The following FHIT variants were observed in gnomAD, a reference collection of about 807,000 sequenced individuals.
FHIT encodes bis(5'-adenosyl)-triphosphatase.
A neutral mutation model predicts 17.9 loss-of-function variants in FHIT; 19 were observed. That is an observed-to-expected ratio of 1.06 (90% CI 0.74 to 1.56). FHIT has a LOEUF of 1.56. FHIT is among the 40% of genes most tolerant of loss of function. FHIT has a pLI of 0.00. For missense variants in FHIT, 248 were observed against 189.2 expected, an observed-to-expected ratio of 1.31 and a Z score of -1.82; for synonymous variants, 81 against 69.7, an observed-to-expected ratio of 1.16 and a Z score of -0.81.
chr3:60,331,849 A>G (rs1203381195), intron 5 of FHIT, among the ~76,000 whole-genome samples: 1 of 46,242 alleles, frequency 2.2e-5, no homozygotes, highest in Non-Finnish European at 5.4e-5. Context: ...TCTGTCTCGG[A>G]AAAAAAAAAA....
At chr3:61,165,923 T>A (rs1356392557) in intron 2 of FHIT, 1 of 152,154 alleles carries the variant, frequency 6.6e-6, no homozygotes, top group African/African-American at 2.4e-5. Context: ...AATTTATCAT[T>A]CATGTCAGTA....
chr3:60,184,365 TTTTCTTA>T (rs542102254), intron 5 of FHIT, among the ~76,000 whole-genome samples: 712 of 152,322 alleles, frequency 4.7e-3, no homozygotes, highest in African/African-American at 0.016. Context: ...TGCTTAAGAC[TTTTCTTA>T]GTTGTGACAG....
intron 3 of FHIT, among the ~76,000 whole-genome samples, chr3:60,844,103 T>C (rs1191109077): frequency 6.6e-6 from 1 of 152,128 alleles, no homozygotes; most frequent in Non-Finnish European, 1.5e-5. Context: ...TCCAAGGAAA[T>C]ACAGAGCTTA....
chr3:60,965,480 G>A (rs1455391931), intron 3 of FHIT, among the ~76,000 whole-genome samples: 6 of 152,188 alleles, frequency 3.9e-5, no homozygotes, highest in Non-Finnish European at 5.9e-5. Context: ...CCTTGCTGGC[G>A]AGGAGCTAGG....
intron 5 of FHIT, among the ~76,000 whole-genome samples, chr3:60,193,766 A>C (rs1486548586): frequency 2.0e-5 from 3 of 152,304 alleles, no homozygotes; most frequent in East Asian, 3.9e-4. Context: ...ACTGTAGCAC[A>C]GTGTGATATG....
chr3:60,102,715 A>C (rs945188395), intron 5 of FHIT, among the ~76,000 whole-genome samples: 1 of 152,198 alleles, frequency 6.6e-6, no homozygotes, highest in Non-Finnish European at 1.5e-5. Flanking sequence ...GCAAAGCTTC[A>C]TATCTTTTTA....
At position 60,660,729 on chromosome 3, in the gene FHIT, C is replaced by CTTT; in HGVS notation, c.-17-123753_-17-123751dup. 3.5e-3 allele frequency among the ~76,000 whole-genome samples: 129 copies of CTTT among 37,270 alleles called. 18 individuals carry two copies. The highest frequency in any genetic ancestry group is 8.9e-3 in the African/African-American group (109 of 12,216). 24.5% of individuals were successfully genotyped at this position (37,270 alleles called of 152,430 possible). A position where few individuals can be genotyped will look rare whatever the true frequency, so the allele number is the denominator to read the frequency against. On this transcript the variant is annotated intron_variant, in intron 4 of 9. Coordinates refer to ENST00000492590, the MANE Select transcript of FHIT (RefSeq NM_002012.4). ...GATGTGGAATATCTTTTATTGTGCT[C>CTTT]TTTTTTTTTTTTTTTTTTTTTGCCA... is the stretch of plus-strand genomic sequence containing the variant.
chr3:60,525,367 T>A (rs1169556697), intron 5 of FHIT, among the ~76,000 whole-genome samples: 1 of 152,178 alleles, frequency 6.6e-6, no homozygotes, highest in African/African-American at 2.4e-5. Context: ...TTATCAACCA[T>A]CTAATATACA....
chr3:60,236,925 CATAAGGTTTT>C (rs778140335), intron 5 of FHIT, among the ~76,000 whole-genome samples: 3 of 152,102 alleles, frequency 2.0e-5, no homozygotes, highest in Non-Finnish European at 4.4e-5. Flanking sequence ...TATGTAGAAT[CATAAGGTTTT>C]ATAAACTTCT....
At chr3:60,644,432 T>C (rs114071300) in intron 4 of FHIT, among the ~76,000 whole-genome samples, 1,698 of 152,346 alleles carry the variant, frequency 0.011, 32 homozygotes, top group African/African-American at 0.038. Flanking sequence ...AATGGTTCTA[T>C]TAATCTAAAT....
chr3:60,645,133 A>G (rs557606613), intron 4 of FHIT, among the ~76,000 whole-genome samples: 3 of 152,086 alleles, frequency 2.0e-5, no homozygotes, highest in Admixed American at 2.0e-4. Context: ...CTACTTTTCC[A>G]TGACTCCTTC....
intron 1 of FHIT, among the ~76,000 whole-genome samples, chr3:61,218,978 T>C (rs2039761105): frequency 6.6e-6 from 1 of 152,166 alleles, no homozygotes; most frequent in South Asian, 2.1e-4. Flanking sequence ...ATTTTGTCAT[T>C]GTGCAAACAT....
chr3:61,031,420 G>A (rs1389390328), intron 3 of FHIT, among the ~76,000 whole-genome samples: 1 of 152,036 alleles, frequency 6.6e-6, no homozygotes, highest in East Asian at 1.9e-4. Context: ...TTGCCCAAAA[G>A]GTGGAACTCT....
chr3:60,589,424 C>T lies in FHIT; in HGVS notation c.-17-52445G>A, dbSNP rs186917083. 1.1e-4 allele frequency among the ~76,000 whole-genome samples: 17 copies of T among 152,186 alleles called. No individual in the cohort carries two copies. In the East Asian group the frequency reaches 3.1e-3, roughly 28 times the overall value. On this transcript the variant is annotated intron_variant, in intron 4 of 9. Transcript: ENST00000492590. ...CTCTCCTTCACTTTTCCCAGAATAA[C>T]ATATCCTGGAGGCCATTCTCCACAG...
intron 5 of FHIT, among the ~76,000 whole-genome samples, chr3:60,212,711 T>C (rs1485873625): frequency 6.6e-6 from 1 of 152,086 alleles, no homozygotes; most frequent in African/African-American, 2.4e-5. Context: ...TTGCAAGGCA[T>C]ATGAAATATC....
chr3:60,360,999 C>T (rs186266190), intron 5 of FHIT, among the ~76,000 whole-genome samples: 173 of 152,334 alleles, frequency 1.1e-3, no homozygotes, highest in Non-Finnish European at 1.8e-3. Context: ...CCCACAAATT[C>T]ATATACCTCC....
intron 7 of FHIT, among the ~76,000 whole-genome samples, chr3:59,980,827 G>A (rs2736802): frequency 0.16 from 23,677 of 152,166 alleles, 2,058 homozygotes; most frequent in East Asian, 0.37. Flanking sequence ...AATGTTGGTC[G>A]TTTATAAGCC....
intron 3 of FHIT, among the ~76,000 whole-genome samples, chr3:60,964,251 A>G (rs1166601640): frequency 1.3e-5 from 2 of 148,342 alleles, no homozygotes; most frequent in African/African-American, 5.0e-5. Context: ...CTAGGATTGC[A>G]ACCCCTGCTT....
chr3:60,953,194 T>C (rs1708966200), intron 3 of FHIT, among the ~76,000 whole-genome samples: 1 of 152,194 alleles, frequency 6.6e-6, no homozygotes, highest in Non-Finnish European at 1.5e-5. Context: ...GTGCCAAAAA[T>C]ATAAATGTTG....
Sources: gnomAD v4.1 joint callset for allele counts (sites outside exome capture counted in the v4.1 genomes callset) on GRCh38, gnomAD v4.1.1 for gene constraint, MANE v1.5 for transcripts, NCBI Gene and HGNC (gene_info 2026-07-23, HGNC 2026-07-21) for gene names.